DGKD: variants seen among roughly 807,000 people sequenced by gnomAD.
DGKD encodes diacylglycerol kinase delta, also known as DAG kinase delta.
A neutral mutation model predicts 154.4 loss-of-function variants in DGKD; 68 were observed. That is an observed-to-expected ratio of 0.44 (90% CI 0.36 to 0.54). DGKD has a LOEUF of 0.54. DGKD is among the 20% of genes least tolerant of loss of function. DGKD has a pLI of 0.00. For synonymous variants in DGKD, 693 were observed against 638.0 expected (o/e 1.09, Z -1.30); for missense variants, 1,343 against 1,593.6 (o/e 0.84, Z 2.68).
At position 233,388,264 on chromosome 2, in the gene DGKD, T is replaced by C. The variant is rs1227726571; in HGVS notation, c.164T>C (p.Ile55Thr). The C allele has an allele frequency of 6.2e-7, 1 of 1,613,222 alleles. No individual in the cohort carries two copies. The highest frequency in any genetic ancestry group is 8.5e-7 in the Non-Finnish European group (1 of 1,179,794). Residue 55 changes from isoleucine to threonine, a missense_variant, in exon 2 of 30, where the codon ATC becomes ACC. Coordinates refer to ENST00000264057, the MANE Select transcript of DGKD (RefSeq NM_152879.3). ...TSGQIRQKTI[I>T]KEGMLTKQNN... is the part of the protein sequence containing the mutation. ...ATGTTTCTGTACTTTCAGACCATCA[T>C]CAAAGAGGGGATGCTGACCAAACAG...
intron 1 of DGKD, among the ~76,000 whole-genome samples, chr2:233,359,055 A>G (rs1040038336): frequency 5.9e-5 from 9 of 152,176 alleles, no homozygotes; most frequent in African/African-American, 2.2e-4. Flanking sequence ...AACTGTTATT[A>G]TCTCTCTTTT....
At position 233,450,015 on chromosome 2, in the gene DGKD, A is replaced by C; in HGVS notation, c.1922A>C (p.Gln641Pro). The change falls in exon 16 of 30, where the codon CAG becomes CCG. Residue 641 changes from glutamine (Q) to proline (P), a missense_variant. Coordinates refer to ENST00000264057, the MANE Select transcript of DGKD (RefSeq NM_152879.3). Reference protein sequence around the residue: ...VDEQNAQTQEQEGFVLGLSES... With the variant: ...VDEQNAQTQEPEGFVLGLSES... ...GAGCAGAATGCCCAGACCCAGGAGC[A>C]GGAGGGCTTCGTCCTGGGCCTCTCT... 6.2e-7 allele frequency: 1 copy of C among 1,612,602 alleles called. No individual in the cohort carries two copies.
chr2:233,406,484 C>T (rs940154590), intron 3 of DGKD, among the ~76,000 whole-genome samples: 1 of 152,158 alleles, frequency 6.6e-6, no homozygotes, highest in Non-Finnish European at 1.5e-5. Context: ...TGTGAGTCTT[C>T]TAGTCTAAGA....
rs2063349037 is a variant in DGKD at position 233,453,396 on chromosome 2, C to T, written c.2264+1336C>T. Among the ~76,000 whole-genome samples the T allele has an allele frequency of 2.6e-5, 4 of 152,242 alleles. No homozygotes were observed. The South Asian group carries it at 8.3e-4, about 32-fold the overall frequency. The stretch of plus-strand genomic sequence containing the variant: ...TCCTGTTTCTCTCCGTTGGATCTCT[C>T]TCTTTTCCCAGGACCTATACATGCT... On this transcript the variant is annotated intron_variant, in intron 18 of 29. Transcript: ENST00000264057.
chr2:233,395,273 T>A (rs1452974511), intron 3 of DGKD, among the ~76,000 whole-genome samples: 1 of 152,154 alleles, frequency 6.6e-6, no homozygotes, highest in Non-Finnish European at 1.5e-5. Context: ...TAGGCTCAAG[T>A]AATCTTCCCA....
At position 233,470,464 on chromosome 2, in the gene DGKD, T is replaced by G. The variant is rs1395131792; in HGVS notation, c.*1004T>G. 2 of 152,734 alleles carry G rather than the reference T, an allele frequency of 1.3e-5. No individual in the cohort carries two copies. Among genetic ancestry groups the G allele is most frequent in the South Asian group, 2.1e-4 (1 of 4,840 alleles). The allele number at this position is 152,734 out of a possible 1,614,324, so 9.5% of individuals were successfully genotyped here. On this transcript the variant is annotated 3_prime_UTR_variant, in exon 30 of 30. Transcript: ENST00000264057. ...CCTGAGTGTCTGCCCCTGCAGTGGC[T>G]TCTTGTCGCCTGCTGCTGGGCGTGA...
intron 28 of DGKD, 72 bp from the exon 29 acceptor site, chr2:233,468,351 G>T (rs2063895027): frequency 1.8e-5 from 29 of 1,576,442 alleles, no homozygotes; most frequent in Admixed American, 5.1e-5. Flanking sequence ...TCGGGTGCTG[G>T]GTGCCAGCTG....
chr2:233,355,595 T>C lies in DGKD; in HGVS notation c.156+921T>C, dbSNP rs562581024. On this transcript the variant is annotated intron_variant, in intron 1 of 29. Coordinates refer to ENST00000264057, the MANE Select transcript of DGKD (RefSeq NM_152879.3). ...AGCCGTTCCCTTCACCGTGGGAGCC[T>C]TCTCTTCTGTCAGCCTTTGATACCT... 3.3e-5 allele frequency among the ~76,000 whole-genome samples: 5 copies of C among 152,314 alleles called. No homozygotes were observed. The South Asian group carries it at 1.0e-3, about 32-fold the overall frequency.
chr2:233,389,164 C>G (rs901989549), intron 2 of DGKD, among the ~76,000 whole-genome samples: 3 of 152,220 alleles, frequency 2.0e-5, no homozygotes, highest in Non-Finnish European at 2.9e-5. Flanking sequence ...TGTGCCCAGC[C>G]AAAGTAGAAG....
intron 3 of DGKD, among the ~76,000 whole-genome samples, chr2:233,405,213 G>T (rs2061653414): frequency 6.6e-6 from 1 of 152,196 alleles, no homozygotes; most frequent in Non-Finnish European, 1.5e-5. Context: ...GTATTGAGAG[G>T]TAGAAACTTT....
At position 233,452,446 on chromosome 2, in the gene DGKD, C is replaced by T. The variant is rs989332655; in HGVS notation, c.2264+386C>T. On this transcript the variant is annotated intron_variant, in intron 18 of 29. Transcript: ENST00000264057. This position sits in a 1 kb window ranked among gnomAD's most constrained non-coding sequence, Gnocchi z 4.0. The stretch of plus-strand genomic sequence containing the variant: ...TCACTGACTTCTGCTTACAGCCTGC[C>T]ATCTTCCTCTTGCCATCCCTTCCCT... Among the ~76,000 whole-genome samples, 1 of 152,176 alleles carries T rather than the reference C, an allele frequency of 6.6e-6. No individual in the cohort carries two copies. Among genetic ancestry groups the T allele is most frequent in the African/African-American group, 2.4e-5 (1 of 41,440 alleles).
At position 233,398,003 on chromosome 2, in the gene DGKD, T is replaced by G. The variant is rs149585004; in HGVS notation, c.348+7520T>G. On this transcript the variant is annotated intron_variant, in intron 3 of 29. Coordinates refer to ENST00000264057, the MANE Select transcript of DGKD (RefSeq NM_152879.3). ...AGCCTTATTTTATTTAATTTGTTGG[T>G]TTTTTTCCTAGTTCTAGTTATCAAA... 2.5e-3 allele frequency among the ~76,000 whole-genome samples: 375 copies of G among 148,416 alleles called. 1 individual carries two copies. Among genetic ancestry groups the G allele is most frequent in the African/African-American group, 8.8e-3 (361 of 41,154 alleles).
At chr2:233,367,791 C>T (rs893844596) in intron 1 of DGKD, among the ~76,000 whole-genome samples, 1 of 151,852 alleles carries the variant, frequency 6.6e-6, no homozygotes. Context: ...GGCTGTCCCC[C>T]TCTGCTGTGT....
In DGKD at chr2:233,459,150, G is replaced by C. The variant is rs765563001; in HGVS notation, c.2695-607G>C. 1.3e-5 allele frequency among the ~76,000 whole-genome samples: 2 copies of C among 152,176 alleles called. No individual in the cohort carries two copies. The highest frequency in any genetic ancestry group is 2.9e-5 in the Non-Finnish European group (2 of 68,036). On this transcript the variant is annotated intron_variant, in intron 22 of 29. Coordinates refer to ENST00000264057, the MANE Select transcript of DGKD (RefSeq NM_152879.3). This position sits in a 1 kb window ranked among gnomAD's most constrained non-coding sequence, Gnocchi z 5.7. ...GGCTTATTTCTGACAGCAGCGATGGGCTGAGGGCAGTCTTTCTGTGAGGAT... is the reference window on the plus strand; with the variant it reads ...GGCTTATTTCTGACAGCAGCGATGGCCTGAGGGCAGTCTTTCTGTGAGGAT...
chr2:233,455,324 G>C (rs1379378742), intron 19 of DGKD, among the ~76,000 whole-genome samples: 1 of 152,306 alleles, frequency 6.6e-6, no homozygotes, highest in East Asian at 1.9e-4. Context: ...GCAGGAAGAC[G>C]GGAGCGTGGG....
At chr2:233,384,913 G>C (rs879732535) in intron 1 of DGKD, among the ~76,000 whole-genome samples, 1 of 152,092 alleles carries the variant, frequency 6.6e-6, no homozygotes, top group African/African-American at 2.4e-5. Context: ...GTCTCAGGCA[G>C]CTCCCTTATG....
At position 233,449,380 on chromosome 2, in the gene DGKD, A is replaced by C. The variant is rs1228936748; in HGVS notation, c.1888+4A>C. 1 of 1,590,672 alleles carries C rather than the reference A, an allele frequency of 6.3e-7. No individual in the cohort carries two copies. Among genetic ancestry groups the C allele is most frequent in the African/African-American group, 1.3e-5 (1 of 74,640 alleles). ...ATCATAGAACACACAGAAAAAGGTA[A>C]CTGGCCTTGTGATGAGGAGGGGCTT... On this transcript the variant is annotated splice_donor_region_variant and intron_variant, in intron 15 of 29. Transcript: ENST00000264057. The surrounding 1 kb of genome is among the most constrained non-coding windows in gnomAD (Gnocchi z 5.3).
chr2:233,420,914 G>T (rs1392614460), intron 3 of DGKD, among the ~76,000 whole-genome samples: 1 of 152,112 alleles, frequency 6.6e-6, no homozygotes, highest in East Asian at 1.9e-4. Flanking sequence ...TCGTCTTCTT[G>T]GCACATGGGC....
chr2:233,465,306 T>A (rs1198844445), intron 27 of DGKD, among the ~76,000 whole-genome samples: 4 of 152,136 alleles, frequency 2.6e-5, no homozygotes, highest in Non-Finnish European at 4.4e-5. Flanking sequence ...AATACCAGAT[T>A]AAATTAAGGC....
Sources: gnomAD v4.1 joint callset for allele counts (sites outside exome capture counted in the v4.1 genomes callset) on GRCh38, gnomAD v4.1.1 for gene constraint, Gnocchi (gnomAD v3.1) non-coding constraint, MANE v1.5 for transcripts, NCBI Gene and HGNC (gene_info 2026-07-23, HGNC 2026-07-21) for gene names.